The following TMEM150B variants were observed in gnomAD, a reference collection of about 807,000 sequenced individuals.
TMEM150B encodes the protein modulator of macroautophagy TMEM150B.
In TMEM150B, 33 loss-of-function variants were observed where a neutral mutation model predicts 25.2. The ratio of observed to expected loss-of-function variants is 1.31; its 90% CI spans 0.99 to 1.75. The LOEUF (loss-of-function observed/expected upper bound fraction) is 1.75. Among genes scored for constraint, TMEM150B ranks in the 40% most tolerant of loss-of-function variants. The probability of loss-of-function intolerance (pLI) is 0.00; values close to 1 mark genes in which losing one functional copy is unlikely to be tolerated. For synonymous variants in TMEM150B, 133 were observed against 134.8 expected, an observed-to-expected ratio of 0.99 and a Z score of 0.09; for missense variants, 322 against 306.1, an observed-to-expected ratio of 1.05 and a Z score of -0.39.
At chr19:55,312,023 C>T, downstream of TMEM150B, 1 of 1,509,498 alleles carries the variant, frequency 6.6e-7, no homozygotes, top group South Asian at 1.3e-5. Flanking sequence ...GAGGCCCCCC[C>T]AAGGACAAGA....
chr19:55,313,218 G>A (rs4806659), intron 7 of TMEM150B, among the ~76,000 whole-genome samples, 163 bp from the exon 8 acceptor site: 62,484 of 151,854 alleles, frequency 0.41, 13,398 homozygotes, highest in South Asian at 0.48. Flanking sequence ...CTTGGTCTCC[G>A]ATGCTCTCCA....
intron 7 of TMEM150B, among the ~76,000 whole-genome samples, chr19:55,314,266 C>A (rs770398849): frequency 1.3e-5 from 2 of 152,184 alleles, no homozygotes; most frequent in African/African-American, 4.8e-5. Flanking sequence ...ATGTCATCCG[C>A]CCGCCTTAGT....
intron 7 of TMEM150B, among the ~76,000 whole-genome samples, chr19:55,313,445 C>T (rs556395484): frequency 1.5e-5 from 2 of 129,548 alleles, no homozygotes; most frequent in Non-Finnish European, 3.5e-5. Context: ...CCGCCAGCCT[C>T]GGACTGTGTT....
At chr19:55,320,938 C>A in intron 3 of TMEM150B, 31 bp downstream of exon 3, 1 of 1,610,926 alleles carries the variant, frequency 6.2e-7, no homozygotes, top group South Asian at 1.1e-5. Context: ...CACCCTCAGA[C>A]CCAGGAGTCC....
At chr19:55,324,221 G>A (rs112977617) in intron 1 of TMEM150B, among the ~76,000 whole-genome samples, 10 of 151,964 alleles carry the variant, frequency 6.6e-5, no homozygotes, top group African/African-American at 1.4e-4. Flanking sequence ...AGCCAGGGTC[G>A]GCTGGGCAAG....
Position 55,312,911 on chromosome 19 carries a change from G to A in TMEM150B, c.650C>T (p.Pro217Leu). The change falls in exon 8 of 8, where the codon CCC (proline) becomes CTC (leucine). Residue 217 changes from proline to leucine, a missense_variant. Transcript: ENST00000326652. ...GGAGGCCGGCGGGGGGCTGAGGCTGGGCCACGGCTGAACACACAGGGTGCA... is the reference window on the plus strand; with the variant it reads ...GGAGGCCGGCGGGGGGCTGAGGCTGAGCCACGGCTGAACACACAGGGTGCA... The part of the protein sequence containing the change: ...ESCTLCVQPW[P>L]SLSPPPASPI... The A allele has an allele frequency of 6.2e-7, 1 of 1,607,618 alleles. No homozygotes were observed. Among genetic ancestry groups the A allele is most frequent in the Non-Finnish European group, 8.5e-7 (1 of 1,177,670 alleles).
intron 1 of TMEM150B, among the ~76,000 whole-genome samples, chr19:55,323,804 T>TC (rs1317501032): frequency 1.1e-4 from 14 of 125,520 alleles, no homozygotes; most frequent in Non-Finnish European, 2.3e-4. Flanking sequence ...CGCCCAACCT[T>TC]TTTTTTTTTT....
intron 7 of TMEM150B, 95 bp downstream of exon 7, chr19:55,316,691 A>T: frequency 2.4e-6 from 3 of 1,233,364 alleles, no homozygotes; most frequent in Non-Finnish European, 3.2e-6. Flanking sequence ...GCCCAGAGAA[A>T]GGAAGAGACA....
At chr19:55,312,563 GATA>G (rs915859703), downstream of TMEM150B, 452 of 92,098 alleles carry the variant, frequency 4.9e-3, 4 homozygotes, top group African/African-American at 0.01. Context: ...AAAAAAAAAA[GATA>G]ATAATAATAA....
intron 6 of TMEM150B, among the ~76,000 whole-genome samples, chr19:55,318,050 G>A (rs1434197772): frequency 1.3e-5 from 2 of 152,040 alleles, no homozygotes; most frequent in African/African-American, 2.4e-5. Flanking sequence ...ATACTCCTTA[G>A]AGGAGCAAGA....
chr19:55,312,101 TCCAC>T, downstream of TMEM150B: 3 of 986,592 alleles, frequency 3.0e-6, no homozygotes, highest in Non-Finnish European at 4.3e-6. Flanking sequence ...GGGACCCCCC[TCCAC>T]CCCCCTTCCG....
chr19:55,315,476 A>C (rs1299805221), intron 7 of TMEM150B, among the ~76,000 whole-genome samples: 2 of 151,112 alleles, frequency 1.3e-5, no homozygotes, highest in East Asian at 4.0e-4. Context: ...CTAAAAATAC[A>C]AAAGGCCAGG....
intron 6 of TMEM150B, among the ~76,000 whole-genome samples, chr19:55,317,596 A>G (rs1046707585): frequency 6.6e-6 from 1 of 152,156 alleles, no homozygotes; most frequent in Non-Finnish European, 1.5e-5. Context: ...CCTGGCCAAC[A>G]TGGTGAAACC....
chr19:55,313,075 C>G lies in TMEM150B; in HGVS notation c.506-20G>C. The G allele has an allele frequency of 6.3e-7, 1 of 1,597,718 alleles. No individual in the cohort carries two copies. Among genetic ancestry groups the G allele is most frequent in the Non-Finnish European group, 8.5e-7 (1 of 1,172,668 alleles). On this transcript the variant is annotated intron_variant, in intron 7 of 7. Transcript: ENST00000326652. ...CGATCACTGCCCCAGGGTCAAGGGC[C>G]ACACTGCTACCGTGACAGACGCGGA...
chr19:55,319,151 GC>G (rs1352513541), intron 6 of TMEM150B, among the ~76,000 whole-genome samples: 1 of 151,180 alleles, frequency 6.6e-6, no homozygotes, highest in Non-Finnish European at 1.5e-5. Flanking sequence ...CACTCTTGCA[GC>G]CCAGGCTGGA....
chr19:55,312,185 G>A (rs931045125), downstream of TMEM150B: 13 of 534,238 alleles, frequency 2.4e-5, no homozygotes, highest in Non-Finnish European at 3.6e-5. Context: ...CACAAAAACC[G>A]GCCTTGCCCT....
rs770594368 is a variant in TMEM150B, at chr19:55,320,493, A to G, written c.129-35T>C. 9 of 1,609,776 alleles carry G rather than the reference A, an allele frequency of 5.6e-6. No individual in the cohort carries two copies. The South Asian group carries it at 8.8e-5, about 16-fold the overall frequency. On this transcript the variant is annotated intron_variant, in intron 4 of 7. Transcript: ENST00000326652. ...ACAAAGGGGTCATCCTGGGCAATCC[A>G]AGCTAGGGCCTCCACTTTCCTGCAG...
chr19:55,320,398 A>G lies in TMEM150B; in HGVS notation c.189T>C (p.Ala63=). The G allele has an allele frequency of 6.4e-7, 1 of 1,559,368 alleles. No individual in the cohort carries two copies. Among genetic ancestry groups the G allele is most frequent in the South Asian group, 1.2e-5 (1 of 82,156 alleles). The change falls in exon 5 of 8, where the codon GCT becomes GCC. Residue 63 remains alanine, a synonymous_variant. Transcript: ENST00000326652. ...GGGCTGGGCAATATTTACCCAGAGC[A>G]GCTCCCATATTGAGCACCTGGCTGA... ...CIFSQVLNMG[A]ALAAWICIVR... is the part of the protein sequence containing the mutation.
chr19:55,320,639 G>C (rs766414396), intron 3 of TMEM150B, 22 bp from the exon 4 acceptor site: 2 of 1,604,084 alleles, frequency 1.2e-6, no homozygotes, highest in Non-Finnish European at 1.7e-6. Context: ...ATCAGAGTGA[G>C]TGGGCGACTC....
Sources: allele counts gnomAD v4.1 joint callset (sites outside exome capture counted in the v4.1 genomes callset), GRCh38; gene constraint gnomAD v4.1.1; transcripts MANE v1.5; gene names NCBI Gene and HGNC (gene_info 2026-07-23, HGNC 2026-07-21).